Variants in RASA2 observed in about 807,000 individuals in gnomAD.
RASA2 encodes RAS p21 protein activator 2.
In RASA2, 155 loss-of-function variants were observed where a neutral mutation model predicts 118.2. The observed-to-expected ratio is 1.31, with a 90% CI of 1.15 to 1.50. RASA2 has a LOEUF of 1.50. Among genes scored for constraint, RASA2 ranks in the 40% most tolerant of loss-of-function variants. The pLI, the probability that RASA2 is intolerant of heterozygous loss-of-function variation, is 0.00. For missense variants in RASA2, 1,016 were observed against 1,009.6 expected (o/e 1.01, Z -0.09); for synonymous variants, 353 against 349.1 (o/e 1.01, Z -0.12).
At chr3:141,534,812 A>T (rs1224115382) in intron 4 of RASA2, among the ~76,000 whole-genome samples, 30 of 152,132 alleles carry the variant, frequency 2.0e-4, no homozygotes, top group Non-Finnish European at 1.5e-5. Flanking sequence ...ATCATATTAA[A>T]TACTTCTTTA....
At chr3:141,541,995 A>T (rs1486979854) in intron 5 of RASA2, among the ~76,000 whole-genome samples, 4 of 151,988 alleles carry the variant, frequency 2.6e-5, no homozygotes, top group Non-Finnish European at 4.4e-5. Flanking sequence ...AGTCATTTGA[A>T]ATATAGTTAG....
chr3:141,549,699 A>C lies in RASA2; in HGVS notation c.528-4158A>C, dbSNP rs562700396. Among the ~76,000 whole-genome samples, 136 of 152,346 alleles carry C rather than the reference A, an allele frequency of 8.9e-4. 1 individual carries two copies. The highest frequency in any genetic ancestry group is 2.4e-3 in the Admixed American group (36 of 15,308). The stretch of plus-strand genomic sequence containing the variant: ...ATTTTAATTAAATGTAAAAAACCAC[A>C]CATGGCTAATGACTACAGCATTAGT... On this transcript the variant is annotated intron_variant, in intron 5 of 23. Transcript: ENST00000286364.
At chr3:141,502,479 C>G (rs748129231) in intron 1 of RASA2, among the ~76,000 whole-genome samples, 2 of 152,130 alleles carry the variant, frequency 1.3e-5, no homozygotes, top group Non-Finnish European at 2.9e-5. Flanking sequence ...CCCCCTTCAT[C>G]TCTCTTTATG....
intron 19 of RASA2, among the ~76,000 whole-genome samples, chr3:141,591,573 T>A (rs1051440873): frequency 2.6e-5 from 4 of 152,236 alleles, no homozygotes; most frequent in African/African-American, 9.6e-5. Context: ...TGCTGTCATC[T>A]GAATTACGTT....
At chr3:141,555,060 G>A (rs536948215) in intron 6 of RASA2, among the ~76,000 whole-genome samples, 3 of 152,204 alleles carry the variant, frequency 2.0e-5, no homozygotes, top group African/African-American at 7.2e-5. Flanking sequence ...TCAGGAGTTC[G>A]AGATCAGCCT....
chr3:141,573,979 T>TA lies in RASA2; in HGVS notation c.1396dup (p.Thr466AsnfsTer15). On this transcript the variant is annotated frameshift_variant, in exon 14 of 24. Transcript: ENST00000286364. LOFTEE classifies it high-confidence loss of function. ...GCTACTATGTAGACAAGTTATTCAATACAATTGTAAAATCAAGTATGAGCT... is the reference window on the plus strand; with the variant it reads ...GCTACTATGTAGACAAGTTATTCAATAACAATTGTAAAATCAAGTATGAGCT... 1 of 1,590,438 alleles carries TA rather than the reference T, an allele frequency of 6.3e-7. No individual in the cohort carries two copies. The highest frequency in any genetic ancestry group is 8.6e-7 in the Non-Finnish European group (1 of 1,164,440).
intron 11 of RASA2, 30 bp from the exon 12 acceptor site, chr3:141,572,579 T>C: frequency 6.7e-7 from 1 of 1,488,300 alleles, no homozygotes; most frequent in South Asian, 1.1e-5. Flanking sequence ...CTTTGTTTAC[T>C]ACATTTGGTT....
chr3:141,577,091 G>A lies in RASA2; in HGVS notation c.1575G>A (p.Leu525=). The change falls in exon 15 of 24, where the codon TTG becomes TTA. Residue 525 remains leucine, a synonymous_variant. Coordinates refer to ENST00000286364, the MANE Select transcript of RASA2 (RefSeq NM_006506.5). ...VAVVSPHTFH[L]RPHHPDAQTI... ...TAGTATCACCTCATACTTTTCATTT[G>A]CGACCTCATCATCCAGTAAGTGTTC... The A allele has an allele frequency of 1.3e-6, 2 of 1,596,828 alleles. No individual in the cohort carries two copies. Among genetic ancestry groups the A allele is most frequent in the Non-Finnish European group, 1.7e-6 (2 of 1,166,618 alleles).
intron 3 of RASA2, among the ~76,000 whole-genome samples, chr3:141,528,673 T>A (rs1303234073): frequency 1.3e-5 from 2 of 151,946 alleles, no homozygotes; most frequent in Non-Finnish European, 2.9e-5. Flanking sequence ...CAGAGTGAAA[T>A]TTTAAGCATA....
At chr3:141,580,689 G>A (rs1218263909) in intron 16 of RASA2, among the ~76,000 whole-genome samples, 1 of 152,090 alleles carries the variant, frequency 6.6e-6, no homozygotes, top group Non-Finnish European at 1.5e-5. Flanking sequence ...AGCCGAAGCG[G>A]GAAGATGACT....
intron 1 of RASA2, among the ~76,000 whole-genome samples, chr3:141,493,500 C>A (rs1471658803): frequency 1.3e-5 from 2 of 152,120 alleles, no homozygotes; most frequent in Non-Finnish European, 2.9e-5. Flanking sequence ...TTCAAAAGTT[C>A]CATAGGGGGT....
chr3:141,601,309 C>T (rs2083459211), intron 19 of RASA2, among the ~76,000 whole-genome samples: 1 of 152,092 alleles, frequency 6.6e-6, no homozygotes, highest in Non-Finnish European at 1.5e-5. Context: ...CGGCTGTAAT[C>T]CCAGCTACTC....
At chr3:141,527,124 T>C (rs1025359823) in intron 3 of RASA2, among the ~76,000 whole-genome samples, 1 of 152,180 alleles carries the variant, frequency 6.6e-6, no homozygotes, top group East Asian at 1.9e-4. Context: ...CCATTGTGAT[T>C]GTTGAATGAG....
chr3:141,601,908 G>A (rs564444120), intron 19 of RASA2, among the ~76,000 whole-genome samples: 1 of 152,216 alleles, frequency 6.6e-6, no homozygotes, highest in Admixed American at 6.5e-5. Context: ...TAAGTTCACT[G>A]ATTTAGCTCA....
chr3:141,608,395 A>T, intron 20 of RASA2, 94 bp from the exon 21 acceptor site: 1 of 1,189,694 alleles, frequency 8.4e-7, no homozygotes, highest in Non-Finnish European at 1.2e-6. Context: ...CTAGCCAAGC[A>T]ACTAGATTCC....
rs138010970 is a variant in RASA2, at chr3:141,534,567, A to G, written c.450+4765A>G. 4.1e-3 allele frequency among the ~76,000 whole-genome samples: 616 copies of G among 151,246 alleles called. 3 individuals are homozygous for G. The highest frequency in any genetic ancestry group is 7.6e-3 in the Non-Finnish European group (516 of 67,846). On this transcript the variant is annotated intron_variant, in intron 4 of 23. Coordinates refer to ENST00000286364, the MANE Select transcript of RASA2 (RefSeq NM_006506.5). ...ATATCTTGAATTTCTGGATCATGCC[A>G]TAAGTTATTGATTGTTTTATAGGTG...
At chr3:141,570,082 A>G (rs1392188776) in intron 9 of RASA2, among the ~76,000 whole-genome samples, 1 of 148,986 alleles carries the variant, frequency 6.7e-6, no homozygotes, top group Non-Finnish European at 1.5e-5. Flanking sequence ...TCCCATGATA[A>G]AAAGCTTTTT....
At chr3:141,506,824 C>T (rs1281352289) in intron 1 of RASA2, among the ~76,000 whole-genome samples, 1 of 148,906 alleles carries the variant, frequency 6.7e-6, no homozygotes, top group African/African-American at 2.5e-5. Flanking sequence ...GCTGAGGTGA[C>T]AGAATCACGT....
chr3:141,562,934 G>T (rs990131962), intron 9 of RASA2, among the ~76,000 whole-genome samples: 2 of 152,118 alleles, frequency 1.3e-5, no homozygotes, highest in African/African-American at 2.4e-5. Context: ...GCCTCCCAAA[G>T]TGCTGGGATT....
Sources: allele counts gnomAD v4.1 joint callset (sites outside exome capture counted in the v4.1 genomes callset), GRCh38; gene constraint gnomAD v4.1.1; transcripts MANE v1.5; gene names NCBI Gene and HGNC (gene_info 2026-07-23, HGNC 2026-07-21).